The following CENPK variants were observed in gnomAD, a reference collection of about 807,000 sequenced individuals.
CENPK encodes SoxLZ/Sox6-binding protein Solt.
In CENPK, 46 loss-of-function variants were observed where a neutral mutation model predicts 40.9. That is an observed-to-expected ratio of 1.13 (90% CI 0.89 to 1.44). The LOEUF (loss-of-function observed/expected upper bound fraction) is 1.44. Ranked by LOEUF, CENPK falls within the 40% of genes most tolerant of loss-of-function variation. The probability of loss-of-function intolerance (pLI) is 0.00; values close to 1 mark genes in which losing one functional copy is unlikely to be tolerated. For synonymous variants in CENPK, 107 were observed against 104.4 expected (o/e 1.02, Z -0.15); for missense variants, 288 against 303.5 (o/e 0.95, Z 0.38).
At chr5:65,537,393 C>T (rs1408003403) in intron 6 of CENPK, among the ~76,000 whole-genome samples, 1 of 152,246 alleles carries the variant, frequency 6.6e-6, no homozygotes, top group African/African-American at 2.4e-5. Context: ...CAAGGTCCTC[C>T]TCCCGGGTTC....
At chr5:65,526,822 G>A (rs1040681242) in intron 9 of CENPK, among the ~76,000 whole-genome samples, 1 of 152,150 alleles carries the variant, frequency 6.6e-6, no homozygotes, top group Non-Finnish European at 1.5e-5. Context: ...GTCAGGTGTG[G>A]TGGTTCACAC....
intron 3 of CENPK, among the ~76,000 whole-genome samples, chr5:65,552,875 A>C (rs1470355818): frequency 6.6e-6 from 1 of 152,154 alleles, no homozygotes; most frequent in Admixed American, 6.5e-5. Context: ...GAAAAATAAC[A>C]AGTAAGAAGA....
At chr5:65,546,849 T>G (rs1258493014) in intron 5 of CENPK, among the ~76,000 whole-genome samples, 1 of 152,158 alleles carries the variant, frequency 6.6e-6, no homozygotes, top group Middle Eastern at 3.2e-3. Flanking sequence ...TGTGAGAAAA[T>G]TAATTTCTGT....
chr5:65,546,885 GTT>G (rs1429655330), intron 5 of CENPK, among the ~76,000 whole-genome samples: 1 of 152,144 alleles, frequency 6.6e-6, no homozygotes, highest in East Asian at 1.9e-4. Context: ...GTCCATAGTA[GTT>G]TGTTATGATA....
intron 4 of CENPK, 102 bp from the exon 5 acceptor site, chr5:65,551,738 G>A: frequency 1.8e-6 from 1 of 558,306 alleles, no homozygotes; most frequent in Non-Finnish European, 3.1e-6. Context: ...GCAGGGGGGT[G>A]GCATCCCTAA....
At chr5:65,534,531 A>C (rs1490365674) in intron 6 of CENPK, among the ~76,000 whole-genome samples, 1 of 152,234 alleles carries the variant, frequency 6.6e-6, no homozygotes, top group African/African-American at 2.4e-5. Flanking sequence ...AAAAACAGAA[A>C]TATCCAAAGC....
At chr5:65,509,131 T>C in the CENPK span, among the ~76,000 whole-genome samples, 2 of 152,224 alleles carry the variant, frequency 1.3e-5, no homozygotes, top group Non-Finnish European at 2.9e-5. Flanking sequence ...CCTTTATGTT[T>C]ACCCTTTCTG....
the CENPK span, among the ~76,000 whole-genome samples, chr5:65,498,869 T>G: frequency 6.6e-6 from 1 of 151,952 alleles, no homozygotes; most frequent in Non-Finnish European, 1.5e-5. Context: ...CCCAGACTGG[T>G]CTTGAGAACA....
At chr5:65,531,846 C>T (rs1397197848) in intron 6 of CENPK, among the ~76,000 whole-genome samples, 1 of 152,050 alleles carries the variant, frequency 6.6e-6, no homozygotes, top group Non-Finnish European at 1.5e-5. Context: ...AATTAATAAC[C>T]TCAGCTTCTA....
chr5:65,542,581 G>T (rs192008545), intron 6 of CENPK, among the ~76,000 whole-genome samples: 10 of 151,938 alleles, frequency 6.6e-5, no homozygotes, highest in African/African-American at 2.4e-4. Context: ...AGGTTACAGT[G>T]AGCCAGGATT....
At chr5:65,500,761 C>T in the CENPK span, among the ~76,000 whole-genome samples, 1 of 152,180 alleles carries the variant, frequency 6.6e-6, no homozygotes, top group East Asian at 1.9e-4. Flanking sequence ...CTCCTGGGTT[C>T]AAGCAATTCT....
chr5:65,551,248 TCAAAA>T, intron 5 of CENPK: 1 of 68,112 alleles, frequency 1.5e-5, no homozygotes, highest in Non-Finnish European at 2.4e-5. Context: ...AGACCCTGTC[TCAAAA>T]AAAAAAAAAA....
the CENPK span, among the ~76,000 whole-genome samples, chr5:65,510,668 C>T: frequency 4.0e-5 from 6 of 151,364 alleles, no homozygotes; most frequent in East Asian, 1.9e-4. Flanking sequence ...CCCAGCTACT[C>T]GGGAGGCTGA....
chr5:65,497,879 A>G, the CENPK span, among the ~76,000 whole-genome samples: 1 of 152,134 alleles, frequency 6.6e-6, no homozygotes, highest in Admixed American at 6.6e-5. Context: ...CAAACAAACA[A>G]ATAAATAAAT....
chr5:65,558,358 G>A (rs1408698581), intron 2 of CENPK, among the ~76,000 whole-genome samples: 1 of 152,190 alleles, frequency 6.6e-6, no homozygotes, highest in African/African-American at 2.4e-5. Context: ...TACATAAGTA[G>A]AGGTGTTGGC....
At chr5:65,527,427 A>AT (rs1443094524) in intron 9 of CENPK, among the ~76,000 whole-genome samples, 1 of 148,886 alleles carries the variant, frequency 6.7e-6, no homozygotes, top group Non-Finnish European at 1.5e-5. Flanking sequence ...GACATGAAAG[A>AT]TTTTATGCTG....
In CENPK at chr5:65,551,591, T is replaced by G; in HGVS notation, c.214A>C (p.Ser72Arg). ...MQVKCLTAEL[S>R]QWQKKTPETI... ...TCAGGTGTTTTTTTCTGCCATTGAC[T>G]GAGTTCAGCGGTTAAACATTTTACT... Residue 72 changes from serine to arginine, a missense_variant, in exon 5 of 11, where the codon AGT becomes CGT. Coordinates refer to ENST00000396679, the MANE Select transcript of CENPK (RefSeq NM_022145.5). 1 of 1,575,934 alleles carries G rather than the reference T, an allele frequency of 6.3e-7. No individual in the cohort carries two copies. Among genetic ancestry groups the G allele is most frequent in the Non-Finnish European group, 8.6e-7 (1 of 1,160,652 alleles).
intron 8 of CENPK, 71 bp downstream of exon 8, chr5:65,528,848 T>A (rs1745211941): frequency 3.7e-5 from 38 of 1,014,800 alleles, no homozygotes; most frequent in Non-Finnish European, 5.4e-5. Flanking sequence ...TTTAACTTCA[T>A]CTATGTTTCA....
At chr5:65,503,641 C>G in the CENPK span, among the ~76,000 whole-genome samples, 1 of 151,278 alleles carries the variant, frequency 6.6e-6, no homozygotes, top group Non-Finnish European at 1.5e-5. Flanking sequence ...CTTTAAGATA[C>G]TTTTTGTCTA....
Sources: gnomAD v4.1 joint callset for allele counts (sites outside exome capture counted in the v4.1 genomes callset) on GRCh38, gnomAD v4.1.1 for gene constraint, MANE v1.5 for transcripts, NCBI Gene and HGNC (gene_info 2026-07-23, HGNC 2026-07-21) for gene names.